BDP1: variants seen among roughly 807,000 people sequenced by gnomAD.
BDP1 encodes BDP1 general transcription factor IIIB subunit.
In BDP1, 169 loss-of-function variants were observed where a neutral mutation model predicts 266.6. That is an observed-to-expected ratio of 0.63 (90% CI 0.56 to 0.72). The LOEUF (loss-of-function observed/expected upper bound fraction) is 0.72. BDP1 is among the 30% of genes least tolerant of loss of function. The pLI is 0.00. For missense variants in BDP1, 3,015 were observed against 3,053.8 expected, an observed-to-expected ratio of 0.99 and a Z score of 0.30; for synonymous variants, 1,090 against 1,022.4, an observed-to-expected ratio of 1.07 and a Z score of -1.26.
At chr5:71,522,684 C>A in intron 23 of BDP1, 72 bp from the exon 24 acceptor site, 1 of 1,441,552 alleles carries the variant, frequency 6.9e-7, no homozygotes, top group South Asian at 1.4e-5. Context: ...AGGTTTAGGC[C>A]AAACTACCAA....
chr5:71,459,656 A>G (rs1303037438), intron 2 of BDP1, among the ~76,000 whole-genome samples: 2 of 152,202 alleles, frequency 1.3e-5, no homozygotes, highest in Non-Finnish European at 2.9e-5. Flanking sequence ...TCTTTTCTAG[A>G]AGGGCAGGTA....
At chr5:71,556,266 G>A (rs1168795769) in intron 35 of BDP1, among the ~76,000 whole-genome samples, 2 of 151,838 alleles carry the variant, frequency 1.3e-5, no homozygotes, top group East Asian at 1.9e-4. Context: ...ACTTTTTGTA[G>A]TTCTAATTTT....
rs766958325 is a variant in BDP1, at chr5:71,542,198, G to A, written c.6345G>A (p.Arg2115=). ...TTGAGAAGACTTTAGGGACCAACAG[G>A]CTTGATGATTATCAGGAAGTTTCCA... is the stretch of plus-strand genomic sequence containing the variant. ...PNLEKTLGTN[R]LDDYQEVSSL... Residue 2115 remains arginine, a synonymous_variant, in exon 30 of 39, where the codon AGG becomes AGA. Coordinates refer to ENST00000358731, the MANE Select transcript of BDP1 (RefSeq NM_018429.3). 4 of 1,613,322 alleles carry A rather than the reference G, an allele frequency of 2.5e-6. No homozygotes were observed. The highest frequency in any genetic ancestry group is 3.4e-6 in the Non-Finnish European group (4 of 1,179,806).
chr5:71,475,843 T>TG (rs1389373712), intron 7 of BDP1: 1 of 152,982 alleles, frequency 6.5e-6, no homozygotes, highest in East Asian at 1.9e-4. Context: ...GAAGGAGAAC[T>TG]GAGGATTCAT....
At chr5:71,528,078 C>G (rs575135539) in intron 25 of BDP1, among the ~76,000 whole-genome samples, 1 of 152,152 alleles carries the variant, frequency 6.6e-6, no homozygotes, top group Non-Finnish European at 1.5e-5. Context: ...GCCTGGGCCT[C>G]CCAAAGTGCT....
chr5:71,502,583 T>A lies in BDP1; in HGVS notation c.2049-16T>A. 6.4e-7 allele frequency: 1 copy of A among 1,565,918 alleles called. No homozygotes were observed. The highest frequency in any genetic ancestry group is 8.6e-7 in the Non-Finnish European group (1 of 1,159,326). ...ACTTCAAAATAAACATTAATTTTAT[T>A]TCTTTGTGGTTCTAGTTTGGGTGAA... is the stretch of plus-strand genomic sequence containing the variant. On this transcript the variant is annotated splice_polypyrimidine_tract_variant and intron_variant, in intron 14 of 38. Coordinates refer to ENST00000358731, the MANE Select transcript of BDP1 (RefSeq NM_018429.3).
At chr5:71,478,828 A>T (rs146092205) in intron 7 of BDP1, among the ~76,000 whole-genome samples, 21 of 152,166 alleles carry the variant, frequency 1.4e-4, no homozygotes, top group African/African-American at 5.1e-4. Context: ...AACATAGTTT[A>T]CCCCATGTGA....
At chr5:71,483,084 A>G (rs535214486) in intron 7 of BDP1, among the ~76,000 whole-genome samples, 27 of 152,180 alleles carry the variant, frequency 1.8e-4, no homozygotes, top group Non-Finnish European at 3.5e-4. Context: ...CCTTTGTTTT[A>G]TGTGATATTC....
chr5:71,534,636 A>G (rs563895001), intron 26 of BDP1, among the ~76,000 whole-genome samples: 2 of 152,098 alleles, frequency 1.3e-5, no homozygotes, highest in African/African-American at 4.8e-5. Context: ...AGTAGCTGGG[A>G]CTACAGGCGC....
chr5:71,496,103 G>A (rs1015640990), intron 12 of BDP1, among the ~76,000 whole-genome samples: 4 of 151,944 alleles, frequency 2.6e-5, no homozygotes, highest in Admixed American at 1.3e-4. Context: ...TTAGCCGGGT[G>A]TGGTGGCATG....
chr5:71,537,149 C>CAAAA (rs70992979), intron 26 of BDP1, among the ~76,000 whole-genome samples: 49 of 82,412 alleles, frequency 5.9e-4, no homozygotes, highest in African/African-American at 2.0e-3. Context: ...ACCAAAAAAC[C>CAAAA]AAAAAAAAAA....
chr5:71,505,388 C>T (rs1408759795), intron 16 of BDP1, among the ~76,000 whole-genome samples: 2 of 152,036 alleles, frequency 1.3e-5, no homozygotes, highest in Admixed American at 6.5e-5. Flanking sequence ...ATATTTGTTT[C>T]TTTGGAATTA....
Position 71,485,170 on chromosome 5 carries a change from A to T in BDP1, c.1069+1274A>T, listed in dbSNP as rs1453217297. On this transcript the variant is annotated intron_variant, in intron 8 of 38. Transcript: ENST00000358731. ...TTAAAATTTATTGATCTTAAACAGG[A>T]TACAGTGTTGTATGCCTATAGGCCC... is the stretch of plus-strand genomic sequence containing the variant. Among the ~76,000 whole-genome samples the T allele has an allele frequency of 2.7e-4, 41 of 152,160 alleles. 2 individuals are homozygous for T. The highest frequency in any genetic ancestry group is 2.7e-3 in the Admixed American group (41 of 15,270).
rs111294568 is a variant in BDP1, at chr5:71,472,317, C to T, written c.1014+1828C>T. On this transcript the variant is annotated intron_variant, in intron 7 of 38. Transcript: ENST00000358731. ...CTCTACTAAAAATACAAAAATTAGC[C>T]GGACGTGGTGGCGCATGCCTGTAAT... is the stretch of plus-strand genomic sequence containing the variant. Among the ~76,000 whole-genome samples, 1,127 of 152,132 alleles carry T rather than the reference C, an allele frequency of 7.4e-3. 13 individuals are homozygous for T. The highest frequency in any genetic ancestry group is 0.024 in the African/African-American group (1,000 of 41,496).
intron 7 of BDP1, 130 bp downstream of exon 7, chr5:71,470,619 C>T: frequency 1.6e-6 from 1 of 641,924 alleles, no homozygotes; most frequent in Admixed American, 3.5e-5. Context: ...GACAGAGTTT[C>T]ACTTTGTTGC....
chr5:71,546,953 C>G (rs976699529), intron 32 of BDP1, among the ~76,000 whole-genome samples: 2 of 152,098 alleles, frequency 1.3e-5, no homozygotes, highest in Non-Finnish European at 2.9e-5. Flanking sequence ...TCAAGTGATT[C>G]TTGTGCCTCA....
At chr5:71,484,601 A>T (rs1372495052) in intron 8 of BDP1, among the ~76,000 whole-genome samples, 3 of 152,186 alleles carry the variant, frequency 2.0e-5, no homozygotes, top group Non-Finnish European at 4.4e-5. Context: ...TAAAATCCTC[A>T]TTAAAATTAA....
intron 18 of BDP1, among the ~76,000 whole-genome samples, chr5:71,512,973 G>T (rs887492774): frequency 7.0e-6 from 1 of 143,792 alleles, no homozygotes; most frequent in African/African-American, 2.6e-5. Flanking sequence ...CAGATGGGAA[G>T]ATCACTTGAG....
intron 34 of BDP1, among the ~76,000 whole-genome samples, chr5:71,552,192 C>T (rs1248578485): frequency 8.7e-5 from 13 of 150,086 alleles, no homozygotes; most frequent in South Asian, 2.1e-4. Flanking sequence ...GGGTCGCGGC[C>T]GGGCAGAGGC....
Sources: allele counts gnomAD v4.1 joint callset (sites outside exome capture counted in the v4.1 genomes callset), GRCh38; gene constraint gnomAD v4.1.1; transcripts MANE v1.5; gene names NCBI Gene and HGNC (gene_info 2026-07-23, HGNC 2026-07-21).